MYCBP2: variants seen among roughly 807,000 people sequenced by gnomAD.
The protein encoded by MYCBP2 is MYC binding protein 2.
Under a neutral mutation model 525.3 loss-of-function variants are expected in MYCBP2, and 120 were observed. The observed-to-expected ratio is 0.23, with a 90% confidence interval of 0.20 to 0.27. The LOEUF is 0.27. Among genes scored for constraint, MYCBP2 ranks in the 10% least tolerant of loss-of-function variants. The probability of loss-of-function intolerance (pLI) is 1.00; values close to 1 mark genes in which losing one functional copy is unlikely to be tolerated. For synonymous variants in MYCBP2, 1,894 were observed against 1,955.8 expected, an observed-to-expected ratio of 0.97 and a Z score of 0.83; for missense variants, 4,149 against 5,657.1, an observed-to-expected ratio of 0.73 and a Z score of 8.55.
In MYCBP2 at chr13:77,246,935, A is replaced by G. The variant is rs181104006; in HGVS notation, c.2382-2984T>C. Among the ~76,000 whole-genome samples, 304 of 152,274 alleles carry G rather than the reference A, an allele frequency of 2.0e-3. 2 individuals are homozygous for G. Among genetic ancestry groups the G allele is most frequent in the Middle Eastern group, 6.8e-3 (2 of 294 alleles). Reference sequence around the variant, plus strand: ...AATTCAATGCCCTTTCATAATAAAAACAGTAGACAAACTAGGAATAGAAGG... The same window carrying G: ...AATTCAATGCCCTTTCATAATAAAAGCAGTAGACAAACTAGGAATAGAAGG... On this transcript the variant is annotated intron_variant, in intron 15 of 82. Coordinates refer to ENST00000544440, the MANE Select transcript of MYCBP2 (RefSeq NM_015057.5).
intron 34 of MYCBP2, 77 bp from the exon 35 acceptor site, chr13:77,178,031 A>T: frequency 1.1e-6 from 1 of 874,448 alleles, no homozygotes; most frequent in South Asian, 1.4e-5. Context: ...TAAGAAGTCT[A>T]ATAAAATAAC....
At chr13:77,117,357 T>C (rs2154153147) in intron 55 of MYCBP2, among the ~76,000 whole-genome samples, 1 of 152,158 alleles carries the variant, frequency 6.6e-6, no homozygotes, top group South Asian at 2.1e-4. Context: ...TAATGGATAG[T>C]GGAAACCCAG....
At chr13:77,190,567 T>C (rs1187634319) in intron 28 of MYCBP2, among the ~76,000 whole-genome samples, 1 of 152,202 alleles carries the variant, frequency 6.6e-6, no homozygotes, top group African/African-American at 2.4e-5. Flanking sequence ...CTGTCCCTCC[T>C]AGCTCTCCAA....
chr13:77,245,144 T>C (rs1169307781), intron 15 of MYCBP2, among the ~76,000 whole-genome samples: 1 of 152,230 alleles, frequency 6.6e-6, no homozygotes, highest in Non-Finnish European at 1.5e-5. Flanking sequence ...GGAACGCTTT[T>C]ACACTGTTGG....
chr13:77,167,214 T>C (rs2154216900), intron 40 of MYCBP2, among the ~76,000 whole-genome samples: 1 of 152,192 alleles, frequency 6.6e-6, no homozygotes, highest in South Asian at 2.1e-4. Context: ...TACATAAACA[T>C]ATATACATTT....
chr13:77,148,902 A>G (rs1227302356), intron 47 of MYCBP2, among the ~76,000 whole-genome samples: 1 of 152,140 alleles, frequency 6.6e-6, no homozygotes, highest in African/African-American at 2.4e-5. Flanking sequence ...TAGCATCTGT[A>G]TTAAGCTTTC....
chr13:77,250,346 T>C (rs1299954952), intron 15 of MYCBP2, among the ~76,000 whole-genome samples: 3 of 152,194 alleles, frequency 2.0e-5, no homozygotes, highest in South Asian at 2.1e-4. Flanking sequence ...CAGACAATAT[T>C]TGGGAAGAAG....
rs1019378515 is a variant in MYCBP2 at position 77,296,139 on chromosome 13, G to A, written c.378+460C>T. ...CTGGTCAAGAAAATCCCAGAAATAGGCTGGGCACAGTGGCTCATGTCTGCA... is the reference window on the plus strand; with the variant it reads ...CTGGTCAAGAAAATCCCAGAAATAGACTGGGCACAGTGGCTCATGTCTGCA... On this transcript the variant is annotated intron_variant, in intron 2 of 82. Coordinates refer to ENST00000544440, the MANE Select transcript of MYCBP2 (RefSeq NM_015057.5). Among the ~76,000 whole-genome samples, 9 of 152,102 alleles carry A rather than the reference G, an allele frequency of 5.9e-5. 1 individual carries two copies. The highest frequency in any genetic ancestry group is 3.2e-3 in the Middle Eastern group (1 of 316).
chr13:77,293,099 A>G (rs1404727363), intron 2 of MYCBP2, among the ~76,000 whole-genome samples: 1 of 152,166 alleles, frequency 6.6e-6, no homozygotes, highest in Non-Finnish European at 1.5e-5. Flanking sequence ...TCAAATCTCT[A>G]TGTCAGGCTC....
intron 15 of MYCBP2, among the ~76,000 whole-genome samples, chr13:77,248,684 C>T (rs1427962152): frequency 6.6e-6 from 1 of 151,752 alleles, no homozygotes; most frequent in Non-Finnish European, 1.5e-5. Flanking sequence ...AATGGTTGGC[C>T]GCTGTGAAAA....
At chr13:77,126,592 A>G in intron 52 of MYCBP2, 50 bp from the exon 53 acceptor site, 1 of 1,421,684 alleles carries the variant, frequency 7.0e-7, no homozygotes, top group South Asian at 1.3e-5. Context: ...ATCTATTATC[A>G]CTTTCAAAGC....
intron 47 of MYCBP2, among the ~76,000 whole-genome samples, chr13:77,149,122 C>T (rs762641400): frequency 6.6e-6 from 1 of 152,140 alleles, no homozygotes; most frequent in Non-Finnish European, 1.5e-5. Flanking sequence ...TCCATTTCCT[C>T]TGGTTCTTTC....
chr13:77,064,309 T>C (rs1370567726), intron 73 of MYCBP2, among the ~76,000 whole-genome samples: 5 of 152,228 alleles, frequency 3.3e-5, no homozygotes, highest in African/African-American at 1.2e-4. Context: ...TGTGGTAAAC[T>C]ACAGCAAACA....
At chr13:77,322,267 G>A (rs2081753754) in intron 1 of MYCBP2, among the ~76,000 whole-genome samples, 1 of 152,154 alleles carries the variant, frequency 6.6e-6, no homozygotes, top group South Asian at 2.1e-4. Context: ...AGATAAAGCA[G>A]CTGAAAAAAC....
At chr13:77,294,014 C>T (rs1165685154) in intron 2 of MYCBP2, among the ~76,000 whole-genome samples, 7 of 147,286 alleles carry the variant, frequency 4.8e-5, no homozygotes, top group Non-Finnish European at 9.0e-5. Context: ...TGGTATCTAA[C>T]CTGGGTAAGA....
chr13:77,282,462 T>C (rs578238376), intron 3 of MYCBP2, among the ~76,000 whole-genome samples: 3 of 152,074 alleles, frequency 2.0e-5, no homozygotes, highest in South Asian at 2.1e-4. Context: ...TCTGAGTTCC[T>C]TGCCTAACAA....
rs183868012 is a variant in MYCBP2, at chr13:77,199,074, C to A, written c.3844-4830G>T. On this transcript the variant is annotated intron_variant, in intron 26 of 82. Coordinates refer to ENST00000544440, the MANE Select transcript of MYCBP2 (RefSeq NM_015057.5). ...GAATAGGAACAGCTCCGGTCTACAG[C>A]TCCCAGCGTGAGCAACACAGAAGAC... 4.2e-3 allele frequency among the ~76,000 whole-genome samples: 645 copies of A among 152,274 alleles called. 2 individuals carry two copies. Among genetic ancestry groups the A allele is most frequent in the African/African-American group, 0.013 (559 of 41,552 alleles).
chr13:77,287,325 T>A (rs1335869983), intron 3 of MYCBP2, among the ~76,000 whole-genome samples: 1 of 151,862 alleles, frequency 6.6e-6, no homozygotes, highest in African/African-American at 2.4e-5. Context: ...GCTGGGATTA[T>A]AGGCGACTGC....
At chr13:77,223,298 C>T (rs998747974) in intron 20 of MYCBP2, among the ~76,000 whole-genome samples, 5 of 152,178 alleles carry the variant, frequency 3.3e-5, no homozygotes, top group Non-Finnish European at 2.9e-5. Context: ...GGGGACACAT[C>T]ACTGGCCTGG....
Sources: allele counts gnomAD v4.1 joint callset (sites outside exome capture counted in the v4.1 genomes callset), GRCh38; gene constraint gnomAD v4.1.1; transcripts MANE v1.5; gene names NCBI Gene and HGNC (gene_info 2026-07-23, HGNC 2026-07-21).